The following HYCC2 variants were observed in gnomAD, a reference collection of about 807,000 sequenced individuals.
HYCC2 encodes hyccin PI4KA lipid kinase complex subunit 2.
At chr2:200,984,480 TA>T in the HYCC2 span, among the ~76,000 whole-genome samples, 4 of 152,262 alleles carry the variant, frequency 2.6e-5, no homozygotes, top group Non-Finnish European at 5.9e-5. Context: ...TAAAATTATT[TA>T]AAGCCATCAT....
chr2:201,023,827 C>A, the HYCC2 span: 1 of 618,100 alleles, frequency 1.6e-6, no homozygotes, highest in Non-Finnish European at 2.8e-6. Flanking sequence ...TTGTATTTTG[C>A]CATTTCCACT....
the HYCC2 span, among the ~76,000 whole-genome samples, chr2:201,030,695 C>T: frequency 6.6e-6 from 1 of 151,746 alleles, no homozygotes; most frequent in African/African-American, 2.4e-5. Flanking sequence ...TCTCCTGCCT[C>T]GGCCTCCCAA....
chr2:201,070,502 A>G, the HYCC2 span, among the ~76,000 whole-genome samples: 6 of 151,962 alleles, frequency 3.9e-5, no homozygotes, highest in African/African-American at 1.5e-4. Flanking sequence ...AAAATACAAA[A>G]TTAGTCGGGC....
At chr2:201,067,912 A>G in the HYCC2 span, among the ~76,000 whole-genome samples, 1 of 152,340 alleles carries the variant, frequency 6.6e-6, no homozygotes, top group African/African-American at 2.4e-5. Flanking sequence ...CTAAGTGCCA[A>G]GTAAGAACTA....
At chr2:201,033,022 TG>T in the HYCC2 span, among the ~76,000 whole-genome samples, 5 of 152,092 alleles carry the variant, frequency 3.3e-5, no homozygotes, top group African/African-American at 4.8e-5. Flanking sequence ...ACAAGGCATT[TG>T]TTTTTTTTTT....
the HYCC2 span, among the ~76,000 whole-genome samples, chr2:200,985,296 G>T: frequency 6.6e-6 from 1 of 151,926 alleles, no homozygotes; most frequent in Non-Finnish European, 1.5e-5. Context: ...GCTATGAAAT[G>T]GATTTTTAAT....
At chr2:201,018,478 C>A in the HYCC2 span, among the ~76,000 whole-genome samples, 2 of 152,094 alleles carry the variant, frequency 1.3e-5, no homozygotes, top group Non-Finnish European at 2.9e-5. Flanking sequence ...TAATCTAACA[C>A]TCTACAATAA....
chr2:201,061,397 A>C, the HYCC2 span: 3 of 151,982 alleles, frequency 2.0e-5, no homozygotes, highest in East Asian at 5.8e-4. Flanking sequence ...GCAGCATTGC[A>C]CTCCAGCCTG....
chr2:201,063,860 G>A, the HYCC2 span: 4 of 1,592,416 alleles, frequency 2.5e-6, no homozygotes, highest in South Asian at 4.4e-5. Flanking sequence ...TGGAGGTGGT[G>A]GAAGCTACAA....
the HYCC2 span, among the ~76,000 whole-genome samples, chr2:200,998,948 T>C: frequency 2.6e-5 from 4 of 152,210 alleles, no homozygotes; most frequent in East Asian, 1.9e-4. Flanking sequence ...ACTTTCTCCA[T>C]ATATCTAGGT....
the HYCC2 span, among the ~76,000 whole-genome samples, chr2:201,008,479 G>A: frequency 1.3e-5 from 2 of 152,186 alleles, no homozygotes; most frequent in African/African-American, 4.8e-5. Flanking sequence ...ATGATTGTTA[G>A]CTGAGTGCAG....
At chr2:200,997,266 AAAC>A in the HYCC2 span, 26 of 484,498 alleles carry the variant, frequency 5.4e-5, no homozygotes, top group Admixed American at 1.8e-4. Context: ...TAAAAAACCA[AAAC>A]AACAACAACA....
the HYCC2 span, among the ~76,000 whole-genome samples, chr2:201,001,478 T>A: frequency 6.6e-6 from 1 of 152,182 alleles, no homozygotes; most frequent in African/African-American, 2.4e-5. Flanking sequence ...AAATGTGGTA[T>A]ATCCACACAA....
the HYCC2 span, chr2:200,974,100 T>C: frequency 6.6e-6 from 1 of 152,002 alleles, no homozygotes; most frequent in African/African-American, 2.4e-5. Context: ...TGAAAGGACA[T>C]CACTCAATAC....
At chr2:200,989,805 C>T in the HYCC2 span, among the ~76,000 whole-genome samples, 437 of 152,100 alleles carry the variant, frequency 2.9e-3, 3 homozygotes, top group African/African-American at 0.01. Flanking sequence ...CAGAGTGAGA[C>T]CCTGTCTCAA....
At chr2:201,056,831 A>G in the HYCC2 span, among the ~76,000 whole-genome samples, 1 of 152,208 alleles carries the variant, frequency 6.6e-6, no homozygotes, top group Non-Finnish European at 1.5e-5. Context: ...CAGGCACTTA[A>G]GTCCATCTAA....
the HYCC2 span, among the ~76,000 whole-genome samples, chr2:201,030,582 CTTT>C: frequency 4.2e-5 from 6 of 141,910 alleles, no homozygotes; most frequent in Admixed American, 1.4e-4. Context: ...TATCTCATTC[CTTT>C]TTTTTTTTTT....
chr2:201,071,431 T>TCACGACC, the HYCC2 span: 5 of 152,274 alleles, frequency 3.3e-5, no homozygotes, highest in Admixed American at 3.3e-4. Context: ...CTTCTCCTCC[T>TCACGACC]CACGACCCTC....
At chr2:201,014,620 G>A in the HYCC2 span, among the ~76,000 whole-genome samples, 5 of 152,294 alleles carry the variant, frequency 3.3e-5, no homozygotes, top group South Asian at 1.0e-3. Context: ...CTGAATGCAA[G>A]TCATTCTAAA....
Sources: allele counts gnomAD v4.1 joint callset (sites outside exome capture counted in the v4.1 genomes callset), GRCh38; gene constraint gnomAD v4.1.1; transcripts MANE v1.5; gene names NCBI Gene and HGNC (gene_info 2026-07-23, HGNC 2026-07-21).